MYO3A: variants seen among roughly 807,000 people sequenced by gnomAD.
The protein encoded by MYO3A is myosin IIIA, also known as myosin-IIIa.
MYO3A carries 180 observed loss-of-function variants against 192.7 expected under a neutral mutation model. The observed-to-expected ratio is 0.93, with a 90% CI of 0.83 to 1.06. The LOEUF (loss-of-function observed/expected upper bound fraction) is 1.06. Among genes scored for constraint, MYO3A ranks in the 50% least tolerant of loss-of-function variants. MYO3A has a pLI of 0.00. For synonymous variants in MYO3A, 628 were observed against 645.3 expected, an observed-to-expected ratio of 0.97 and a Z score of 0.41; for missense variants, 1,896 against 1,905.0, an observed-to-expected ratio of 1.00 and a Z score of 0.09.
At chr10:25,951,176 G>A (rs969700064) in intron 2 of MYO3A, among the ~76,000 whole-genome samples, 15 of 152,060 alleles carry the variant, frequency 9.9e-5, no homozygotes, top group South Asian at 2.1e-4. Flanking sequence ...TCACAATAAC[G>A]GTACCAGTGG....
chr10:26,174,788 G>A (rs554054808), intron 30 of MYO3A, among the ~76,000 whole-genome samples: 1 of 152,050 alleles, frequency 6.6e-6, no homozygotes, highest in Non-Finnish European at 1.5e-5. Flanking sequence ...ATGTAGTCGT[G>A]ATACTAGAGA....
chr10:26,194,792 G>A (rs1245095572), intron 32 of MYO3A, among the ~76,000 whole-genome samples: 2 of 152,048 alleles, frequency 1.3e-5, no homozygotes, highest in African/African-American at 2.4e-5. Flanking sequence ...AATCTTGATC[G>A]CTGGCTTAGA....
At chr10:25,940,117 C>T (rs1836385436) in intron 2 of MYO3A, among the ~76,000 whole-genome samples, 1 of 152,022 alleles carries the variant, frequency 6.6e-6, no homozygotes, top group Admixed American at 6.5e-5. Flanking sequence ...TTCAAACAGC[C>T]TGTAGTTACC....
intron 4 of MYO3A, among the ~76,000 whole-genome samples, 163 bp downstream of exon 4, chr10:25,955,171 C>T (rs941134150): frequency 3.3e-5 from 5 of 151,886 alleles, no homozygotes; most frequent in Non-Finnish European, 5.9e-5. Context: ...TCTTAAGAAA[C>T]ATCAAAAAAT....
intron 15 of MYO3A, among the ~76,000 whole-genome samples, chr10:26,091,880 TTTA>T (rs1836722397): frequency 6.6e-6 from 1 of 152,222 alleles, no homozygotes; most frequent in Non-Finnish European, 1.5e-5. Flanking sequence ...TTGACACATA[TTTA>T]TTGAGTGCCT....
chr10:25,952,876 CT>C lies in MYO3A; in HGVS notation c.168+614del, dbSNP rs538861587. On this transcript the variant is annotated intron_variant, in intron 3 of 34. Transcript: ENST00000642920. The stretch of plus-strand genomic sequence containing the variant: ...GAGGCCACAATGGGGGCCCCATTTG[CT>C]TTTTTTTTTTTTTTTAAGTAGCAGT... 8.8e-3 allele frequency among the ~76,000 whole-genome samples: 1,183 copies of C among 134,304 alleles called. 4 individuals are homozygous for C. Among genetic ancestry groups the C allele is most frequent in the African/African-American group, 0.019 (712 of 36,660 alleles). The allele number at this position is 134,304 out of a possible 152,430, so 88.1% of individuals were successfully genotyped here. A position where few individuals can be genotyped will look rare whatever the true frequency, so the allele number is the denominator to read the frequency against.
intron 17 of MYO3A, among the ~76,000 whole-genome samples, chr10:26,098,106 A>T (rs1446581152): frequency 6.6e-6 from 1 of 152,114 alleles, no homozygotes; most frequent in Non-Finnish European, 1.5e-5. Flanking sequence ...AATGATCACC[A>T]TTCTAACTGG....
chr10:26,088,150 A>G, intron 14 of MYO3A, 53 bp from the exon 15 acceptor site: 1 of 1,373,026 alleles, frequency 7.3e-7, no homozygotes, highest in Non-Finnish European at 1.0e-6. Flanking sequence ...ATTTCATTAT[A>G]TACCAAATTA....
chr10:25,964,807 T>G (rs767382118), intron 4 of MYO3A, among the ~76,000 whole-genome samples: 1 of 152,214 alleles, frequency 6.6e-6, no homozygotes, highest in Non-Finnish European at 1.5e-5. Flanking sequence ...TCCTTCAACT[T>G]TTGTTTGTCT....
chr10:25,944,225 T>C (rs1836685987), intron 2 of MYO3A, among the ~76,000 whole-genome samples: 2 of 152,040 alleles, frequency 1.3e-5, no homozygotes, highest in Non-Finnish European at 2.9e-5. Context: ...TGTTGAATCA[T>C]TTTTGTATTC....
chr10:26,122,790 G>T (rs1838955673), intron 18 of MYO3A, among the ~76,000 whole-genome samples: 1 of 151,954 alleles, frequency 6.6e-6, no homozygotes, highest in Non-Finnish European at 1.5e-5. Flanking sequence ...GCTGGATAAA[G>T]ATAATCAAGA....
chr10:26,156,213 C>G (rs1347939754), intron 25 of MYO3A, among the ~76,000 whole-genome samples: 1 of 152,182 alleles, frequency 6.6e-6, no homozygotes, highest in East Asian at 1.9e-4. Flanking sequence ...CACATCTGAG[C>G]CTCAGTGCCC....
chr10:26,073,967 T>TA (rs1343667717), intron 14 of MYO3A, among the ~76,000 whole-genome samples: 3 of 152,144 alleles, frequency 2.0e-5, no homozygotes, highest in Non-Finnish European at 2.9e-5. Flanking sequence ...ACTCTTACTG[T>TA]ATGTAAATTA....
chr10:25,967,931 G>T (rs1838361358), intron 4 of MYO3A, among the ~76,000 whole-genome samples: 1 of 152,116 alleles, frequency 6.6e-6, no homozygotes, highest in Admixed American at 6.6e-5. Flanking sequence ...GGAGAGAAAA[G>T]TCTCTGTGAC....
chr10:26,139,310 G>A (rs953677819), intron 20 of MYO3A, among the ~76,000 whole-genome samples: 26 of 150,456 alleles, frequency 1.7e-4, no homozygotes, highest in Admixed American at 1.3e-3. Flanking sequence ...GCATGATCTC[G>A]GCTCACCACA....
chr10:26,040,191 A>G (rs1170515106), intron 10 of MYO3A, among the ~76,000 whole-genome samples: 1 of 151,412 alleles, frequency 6.6e-6, no homozygotes, highest in Admixed American at 6.6e-5. Context: ...TTTTAAGTAC[A>G]GCTTGCTGCT....
chr10:26,109,598 G>A (rs1838035538), intron 17 of MYO3A, among the ~76,000 whole-genome samples: 4 of 152,178 alleles, frequency 2.6e-5, no homozygotes, highest in African/African-American at 9.7e-5. Flanking sequence ...GGAGGTCTTG[G>A]GAGGTATCCA....
At position 25,952,311 on chromosome 10, in the gene MYO3A, A is replaced by G. The variant is rs554630589; in HGVS notation, c.168+33A>G. ...ATATTTTTTCCTTCTAATTAGCTTT[A>G]TTTTTATCTGTATGAAACACTTAAA... is the stretch of plus-strand genomic sequence containing the variant. On this transcript the variant is annotated intron_variant, in intron 3 of 34. Coordinates refer to ENST00000642920, the MANE Select transcript of MYO3A (RefSeq NM_017433.5). 21 of 1,590,474 alleles carry G rather than the reference A, an allele frequency of 1.3e-5. No individual in the cohort carries two copies. The East Asian group carries it at 4.3e-4, about 32-fold the overall frequency.
rs1839169767 is a variant in MYO3A at position 26,125,542 on chromosome 10, A to G, written c.2048A>G (p.Tyr683Cys). 6.2e-7 allele frequency: 1 copy of G among 1,614,066 alleles called. No homozygotes were observed. The highest frequency in any genetic ancestry group is 8.5e-7 in the Non-Finnish European group (1 of 1,179,914). Residue 683 changes from tyrosine (Y) to cysteine (C), a missense_variant, in exon 19 of 35, where the codon TAT becomes TGT. Tyr to Cys is a radical substitution (Grantham distance 194). Coordinates refer to ENST00000642920, the MANE Select transcript of MYO3A (RefSeq NM_017433.5). ...AGGGATGCCATGGCTAAAACTTTAT[A>G]TGGACGTCTCTTTAGTTGGATAGTC... ...DVRDAMAKTL[Y>C]GRLFSWIVNC...
Sources: allele counts gnomAD v4.1 joint callset (sites outside exome capture counted in the v4.1 genomes callset), GRCh38; gene constraint gnomAD v4.1.1; transcripts MANE v1.5; gene names NCBI Gene and HGNC (gene_info 2026-07-23, HGNC 2026-07-21).